The following LIX1L variants were observed in gnomAD, a reference collection of about 807,000 sequenced individuals.
LIX1L encodes the protein LIX1-like protein.
LIX1L carries 20 observed loss-of-function variants against 34.0 expected under a neutral mutation model. The observed-to-expected ratio is 0.59, with a 90% CI of 0.41 to 0.85. LIX1L has a LOEUF of 0.85. LIX1L is among the 40% of genes least tolerant of loss of function. The pLI, the probability that LIX1L is intolerant of heterozygous loss-of-function variation, is 0.00. For synonymous variants in LIX1L, 170 were observed against 187.4 expected (o/e 0.91, Z 0.76); for missense variants, 397 against 447.0 (o/e 0.89, Z 1.01).
At chr1:145,946,378 T>C (rs1476594658) in intron 2 of LIX1L, among the ~76,000 whole-genome samples, 2 of 151,740 alleles carry the variant, frequency 1.3e-5, no homozygotes, top group East Asian at 2.0e-4. Context: ...TTTGTATTTT[T>C]AGTAGAGACG....
At chr1:145,951,594 G>C (rs587666953) in intron 1 of LIX1L, among the ~76,000 whole-genome samples, 155 of 152,280 alleles carry the variant, frequency 1.0e-3, no homozygotes, top group African/African-American at 3.5e-3. Context: ...AAAAGATCCA[G>C]CATGAAAAGA....
intron 1 of LIX1L, chr1:145,950,388 T>G (rs7521222): frequency 0.24 from 35,621 of 150,924 alleles, 8,360 homozygotes; most frequent in African/African-American, 0.6. Context: ...TGTTGTTGTT[T>G]TTTTTCTAAA....
In LIX1L at chr1:145,944,027, G is replaced by A. The variant is rs928169181; in HGVS notation, c.457-1174C>T. The stretch of plus-strand genomic sequence containing the variant: ...ACTACACTGCAGCCTGGGTGACAGA[G>A]TGAGACTCTGTCTCTAAAAGAAAAC... On this transcript the variant is annotated intron_variant, in intron 2 of 5. Coordinates refer to ENST00000604000, the MANE Select transcript of LIX1L (RefSeq NM_153713.3). Among the ~76,000 whole-genome samples the A allele has an allele frequency of 2.6e-5, 4 of 151,864 alleles. No individual in the cohort carries two copies. In the South Asian group the frequency reaches 8.3e-4, roughly 32 times the overall value.
rs1649178447 is a variant in LIX1L at position 145,948,250 on chromosome 1, C to T, written c.293-468G>A. 6.6e-6 allele frequency among the ~76,000 whole-genome samples: 1 copy of T among 152,200 alleles called. No individual in the cohort carries two copies. The highest frequency in any genetic ancestry group is 1.5e-5 in the Non-Finnish European group (1 of 68,044). On this transcript the variant is annotated intron_variant, in intron 1 of 5. Coordinates refer to ENST00000604000, the MANE Select transcript of LIX1L (RefSeq NM_153713.3). This position sits in a 1 kb window ranked among gnomAD's most constrained non-coding sequence, Gnocchi z 4.0. Reference sequence around the variant, plus strand: ...AACTGTATGTCACCCATTTCTGTAACTGCTTTACGTGTTTAATCACAGCAA... The same window carrying T: ...AACTGTATGTCACCCATTTCTGTAATTGCTTTACGTGTTTAATCACAGCAA...
rs1031504637 is a variant in LIX1L, at chr1:145,933,424, C to T, written c.*2886G>A. ...GTCTCAAGAAAGAGTCAGTCTGGCT[C>T]ACTAGACAAAAATCTATTTTTAATT... On this transcript the variant is annotated 3_prime_UTR_variant, in exon 6 of 6. Transcript: ENST00000604000. 1 of 152,080 alleles carries T rather than the reference C, an allele frequency of 6.6e-6. No individual in the cohort carries two copies. The highest frequency in any genetic ancestry group is 1.9e-4 in the East Asian group (1 of 5,188). The allele number at this position is 152,080 out of a possible 1,614,324, so 9.4% of individuals were successfully genotyped here.
chr1:145,946,535 C>T (rs1649118647), intron 2 of LIX1L, among the ~76,000 whole-genome samples: 1 of 152,108 alleles, frequency 6.6e-6, no homozygotes, highest in Non-Finnish European at 1.5e-5. Flanking sequence ...ATTTCATCAC[C>T]TGATTTGAAA....
At chr1:145,936,649 C>T in intron 5 of LIX1L, 97 bp from the exon 6 acceptor site, 1 of 1,435,818 alleles carries the variant, frequency 7.0e-7, no homozygotes, top group Non-Finnish European at 9.6e-7. Context: ...CTTTAGAGAC[C>T]TAACTGAGGT....
At chr1:145,943,350 G>C (rs1433440348) in intron 2 of LIX1L, among the ~76,000 whole-genome samples, 2 of 152,094 alleles carry the variant, frequency 1.3e-5, no homozygotes, top group African/African-American at 2.4e-5. Context: ...TTGGAATCTC[G>C]GACTTCATTT....
chr1:145,942,749 G>A lies in LIX1L; in HGVS notation c.561C>T (p.Ile187=), dbSNP rs781823541. 4.3e-6 allele frequency: 7 copies of A among 1,614,046 alleles called. No individual in the cohort carries two copies. Among genetic ancestry groups the A allele is most frequent in the Middle Eastern group, 3.3e-4 (2 of 6,062 alleles). The change falls in exon 3 of 6, where the codon ATC becomes ATT. Residue 187 remains isoleucine (I), a synonymous_variant. Transcript: ENST00000604000. The part of the protein sequence containing the change: ...HPSRRITDEF[I]EKSVSEALAS... ...CCAGGGCCTCAGAGACACTCTTCTC[G>A]ATGAACTCATCAGTGATTCTTCGGG...
rs1180909861 is a variant in LIX1L at position 145,942,235 on chromosome 1, A to G, written c.597+478T>C. ...TTTGAAAGAACAGTTGTAAATAAAGAGAGTAAATAAATTATCCTCCTTGTT... is the reference window on the plus strand; with the variant it reads ...TTTGAAAGAACAGTTGTAAATAAAGGGAGTAAATAAATTATCCTCCTTGTT... On this transcript the variant is annotated intron_variant, in intron 3 of 5. Coordinates refer to ENST00000604000, the MANE Select transcript of LIX1L (RefSeq NM_153713.3). 1.9e-5 allele frequency: 3 copies of G among 154,154 alleles called. No homozygotes were observed. In the East Asian group the frequency reaches 5.7e-4, roughly 29 times the overall value. The allele number at this position is 154,154 out of a possible 1,614,324, so 9.5% of individuals were successfully genotyped here.
In LIX1L at chr1:145,937,599, AGTACCTGGAAC is replaced by A; in HGVS notation, c.687_693+4del. On this transcript the variant is annotated splice_donor_variant and splice_donor_region_variant and coding_sequence_variant and intron_variant, in exon 4 of 6. Coordinates refer to ENST00000604000, the MANE Select transcript of LIX1L (RefSeq NM_153713.3). LOFTEE classifies it high-confidence loss of function. ...TTAGAACCAGGGAAGTACATGGGAA[AGTACCTGGAAC>A]TCCAACATTGATTTGCCCTTGTTGG... The A allele has an allele frequency of 1.3e-6, 2 of 1,595,728 alleles. No individual in the cohort carries two copies. The highest frequency in any genetic ancestry group is 1.7e-6 in the Non-Finnish European group (2 of 1,163,786).
In LIX1L at chr1:145,942,575, A is replaced by C; in HGVS notation, c.597+138T>G. ...AGCACATGACACAATAGACTGACAGAGAATAAATCAAAAGAACAGAGAGGT... is the reference window on the plus strand; with the variant it reads ...AGCACATGACACAATAGACTGACAGCGAATAAATCAAAAGAACAGAGAGGT... On this transcript the variant is annotated intron_variant, in intron 3 of 5. Coordinates refer to ENST00000604000, the MANE Select transcript of LIX1L (RefSeq NM_153713.3). 3 of 766,828 alleles carry C rather than the reference A, an allele frequency of 3.9e-6. No individual in the cohort carries two copies. The South Asian group carries it at 5.1e-5, about 13-fold the overall frequency. The allele number at this position is 766,828 out of a possible 1,614,324, so 47.5% of individuals were successfully genotyped here. A position where few individuals can be genotyped will look rare whatever the true frequency, so the allele number is the denominator to read the frequency against.
intron 1 of LIX1L, among the ~76,000 whole-genome samples, chr1:145,955,798 G>A (rs1649453384): frequency 1.3e-5 from 2 of 152,228 alleles, no homozygotes; most frequent in Non-Finnish European, 2.9e-5. Flanking sequence ...TCACCACGAA[G>A]TGTGAAGCCT....
rs782675689 is a variant in LIX1L at position 145,942,870 on chromosome 1, G to A, written c.457-17C>T. 6.2e-7 allele frequency: 1 copy of A among 1,613,506 alleles called. No individual in the cohort carries two copies. The highest frequency in any genetic ancestry group is 8.5e-7 in the Non-Finnish European group (1 of 1,179,518). On this transcript the variant is annotated splice_polypyrimidine_tract_variant and intron_variant, in intron 2 of 5. Transcript: ENST00000604000. ...GGGGCAAAACTAGGCAGGGGAGAAAGAGTGAGAATATGTGTATTTGTGCAT... is the reference window on the plus strand; with the variant it reads ...GGGGCAAAACTAGGCAGGGGAGAAAAAGTGAGAATATGTGTATTTGTGCAT...
chr1:145,944,172 C>A (rs1445092335), intron 2 of LIX1L, among the ~76,000 whole-genome samples: 1 of 152,158 alleles, frequency 6.6e-6, no homozygotes, highest in Non-Finnish European at 1.5e-5. Context: ...GCCTGGGCAA[C>A]ATAGTGAGAT....
At chr1:145,946,635 T>C (rs1406387315) in intron 2 of LIX1L, among the ~76,000 whole-genome samples, 2 of 152,164 alleles carry the variant, frequency 1.3e-5, no homozygotes, top group African/African-American at 4.8e-5. Context: ...TTGCCTACTA[T>C]CTGCTAGGCA....
Position 145,947,626 on chromosome 1 carries a change from C to G in LIX1L, c.449G>C (p.Ser150Thr). ...CCACCTCACAACTCTTACCTGGAAA[C>G]TCCCAAAGCAGCTTCCCCCAGGCAG... ...VTLPGGSCFG[S>T]FQFCPTKAEA... is the part of the protein sequence containing the mutation. Residue 150 changes from serine (S) to threonine (T), a missense_variant, in exon 2 of 6, where the codon AGT (serine) becomes ACT (threonine). By Grantham distance (58) the Ser-to-Thr change is moderately conservative (BLOSUM62 1). Coordinates refer to ENST00000604000, the MANE Select transcript of LIX1L (RefSeq NM_153713.3). 6.2e-7 allele frequency: 1 copy of G among 1,613,878 alleles called. No individual in the cohort carries two copies. The highest frequency in any genetic ancestry group is 8.5e-7 in the Non-Finnish European group (1 of 1,179,918).
chr1:145,957,863 C>T lies in LIX1L; in HGVS notation c.65G>A (p.Arg22Gln), dbSNP rs113404160. Residue 22 changes from arginine (R) to glutamine (Q), a missense_variant, in exon 1 of 6, where the codon CGA becomes CAA. This residue lies in a region of LIX1L where 207 missense variants were observed against 205.2 expected (regional missense o/e 1.01). Transcript: ENST00000604000. ...GVGTSGRGTL[R>Q]ALRPGVTGAA... ...CCCAGTCACTCCGGGCCGCAGCGCTCGGAGAGTGCCCCTCCCGCTGGTGCC... is the reference window on the plus strand; with the variant it reads ...CCCAGTCACTCCGGGCCGCAGCGCTTGGAGAGTGCCCCTCCCGCTGGTGCC... The T allele has an allele frequency of 0.014, 20,903 of 1,462,100 alleles. 200 individuals are homozygous for T. Among genetic ancestry groups the T allele is most frequent in the Non-Finnish European group, 0.016 (18,013 of 1,109,160 alleles). 90.6% of individuals were successfully genotyped at this position (1,462,100 alleles called of 1,614,324 possible).
Position 145,947,784 on chromosome 1 carries a change from T to C in LIX1L, c.293-2A>G. On this transcript the variant is annotated splice_acceptor_variant, in intron 1 of 5. Transcript: ENST00000604000. LOFTEE classifies it high-confidence loss of function. ...CCTGAAGTGCCTCCACCACATTCAC[T>C]ACAAAAGAGAAGTACTTAAGTTCAG... 6.2e-7 allele frequency: 1 copy of C among 1,614,028 alleles called. No homozygotes were observed.
Sources: gnomAD v4.1 joint callset for allele counts (sites outside exome capture counted in the v4.1 genomes callset) on GRCh38, gnomAD v4.1.1 for gene constraint, gnomAD v4.1.1 regional missense constraint, Gnocchi (gnomAD v3.1) non-coding constraint, MANE v1.5 for transcripts, NCBI Gene and HGNC (gene_info 2026-07-23, HGNC 2026-07-21) for gene names.